MEGF10: variants seen among roughly 807,000 people sequenced by gnomAD.
MEGF10 encodes multiple EGF like domains 10.
MEGF10 carries 86 observed loss-of-function variants against 147.5 expected under a neutral mutation model. The observed-to-expected ratio is 0.58, with a 90% CI of 0.49 to 0.70. The LOEUF (loss-of-function observed/expected upper bound fraction) is 0.70. Among genes scored for constraint, MEGF10 ranks in the 30% least tolerant of loss-of-function variants. The pLI is 0.00. For synonymous variants in MEGF10, 478 were observed against 525.5 expected, an observed-to-expected ratio of 0.91 and a Z score of 1.24; for missense variants, 1,329 against 1,487.3, an observed-to-expected ratio of 0.89 and a Z score of 1.75.
intron 1 of MEGF10, among the ~76,000 whole-genome samples, chr5:127,296,730 A>G (rs1435293760): frequency 6.6e-6 from 1 of 152,214 alleles, no homozygotes; most frequent in Non-Finnish European, 1.5e-5. Flanking sequence ...GAAAACTAAA[A>G]CACACAAATT....
At chr5:127,306,525 G>A (rs527469406) in intron 1 of MEGF10, among the ~76,000 whole-genome samples, 128 of 152,294 alleles carry the variant, frequency 8.4e-4, no homozygotes, top group African/African-American at 2.4e-3. Context: ...TACCATGCCC[G>A]TCTTCCATGG....
At chr5:127,273,194 A>G in the MEGF10 span, among the ~76,000 whole-genome samples, 1 of 152,204 alleles carries the variant, frequency 6.6e-6, no homozygotes, top group Non-Finnish European at 1.5e-5. Flanking sequence ...ATGGGCTCAC[A>G]AGGGGATCTC....
rs747538697 is a variant in MEGF10, at chr5:127,458,250, C to A, written c.*932C>A. 1.3e-5 allele frequency: 2 copies of A among 152,156 alleles called. No homozygotes were observed. The highest frequency in any genetic ancestry group is 2.9e-5 in the Non-Finnish European group (2 of 68,028). The allele number at this position is 152,156 out of a possible 1,614,324, so 9.4% of individuals were successfully genotyped here. A position where few individuals can be genotyped will look rare whatever the true frequency, so the allele number is the denominator to read the frequency against. ...CAAGATGACGCTTACGTTCTGTAAA[C>A]CATTAGTAATACATGCTGTAATATA... On this transcript the variant is annotated 3_prime_UTR_variant, in exon 25 of 25. Transcript: ENST00000503335.
intron 4 of MEGF10, among the ~76,000 whole-genome samples, chr5:127,364,536 C>T (rs1297765964): frequency 6.6e-6 from 1 of 152,116 alleles, no homozygotes; most frequent in Non-Finnish European, 1.5e-5. Flanking sequence ...TGCATCAGTA[C>T]ATATTAAACT....
At chr5:127,303,442 G>A (rs147780645) in intron 1 of MEGF10, among the ~76,000 whole-genome samples, 10 of 151,804 alleles carry the variant, frequency 6.6e-5, no homozygotes, top group African/African-American at 2.4e-4. Flanking sequence ...TCACCAGGCA[G>A]TAGATAGCAA....
intron 2 of MEGF10, among the ~76,000 whole-genome samples, chr5:127,334,009 T>C (rs550662295): frequency 5.0e-4 from 76 of 152,306 alleles, no homozygotes; most frequent in African/African-American, 1.8e-3. Flanking sequence ...ATCTTCTTAC[T>C]GATAAATTTT....
intron 18 of MEGF10, among the ~76,000 whole-genome samples, chr5:127,441,676 A>T (rs917941898): frequency 2.0e-5 from 3 of 152,192 alleles, no homozygotes; most frequent in Admixed American, 6.5e-5. Context: ...GGGCGGGAAA[A>T]GGTGAAGAAC....
At chr5:127,404,942 C>A (rs1764270051) in intron 8 of MEGF10, among the ~76,000 whole-genome samples, 1 of 152,090 alleles carries the variant, frequency 6.6e-6, no homozygotes, top group Admixed American at 6.5e-5. Context: ...TATCGAACTC[C>A]TGAGCTCAGG....
intron 4 of MEGF10, among the ~76,000 whole-genome samples, chr5:127,352,897 G>A (rs1762135514): frequency 6.6e-6 from 1 of 152,192 alleles, no homozygotes; most frequent in Non-Finnish European, 1.5e-5. Context: ...AGAGAGGTCA[G>A]TTCCCATGGA....
intron 1 of MEGF10, 106 bp from the exon 2 acceptor site, chr5:127,331,185 C>T: frequency 1.6e-6 from 1 of 629,184 alleles, no homozygotes; most frequent in Non-Finnish European, 2.8e-6. Context: ...TTGTTATGCA[C>T]ATTTCAGCCC....
chr5:127,331,379 C>T lies in MEGF10; in HGVS notation c.71C>T (p.Ser24Leu). 3 of 1,613,162 alleles carry T rather than the reference C, an allele frequency of 1.9e-6. No homozygotes were observed. Among genetic ancestry groups the T allele is most frequent in the Non-Finnish European group, 8.5e-7 (1 of 1,179,244 alleles). ...LLLCHWIGTA[S>L]PLNLEDPNVC... ...TTATGCCACTGGATTGGGACAGCAT[C>T]ACCTCTGAATCTTGAAGACCCTAAT... Residue 24 changes from serine to leucine, a missense_variant, in exon 2 of 25, where the codon TCA becomes TTA. By Grantham distance (145) the Ser-to-Leu change is moderately radical. This residue lies in a region of MEGF10 where 980 missense variants were observed against 1,085.9 expected (regional missense o/e 0.90). Coordinates refer to ENST00000503335, the MANE Select transcript of MEGF10 (RefSeq NM_001256545.2).
At chr5:127,304,262 G>A (rs1435667158) in intron 1 of MEGF10, among the ~76,000 whole-genome samples, 1 of 152,190 alleles carries the variant, frequency 6.6e-6, no homozygotes, top group East Asian at 1.9e-4. Context: ...TCTAGACCCT[G>A]AATCAAGAAG....
intron 22 of MEGF10, among the ~76,000 whole-genome samples, chr5:127,453,505 C>T (rs1017007394): frequency 3.3e-5 from 5 of 152,186 alleles, no homozygotes; most frequent in African/African-American, 1.2e-4. Flanking sequence ...TTTTCATATG[C>T]TCTGTTTCAC....
chr5:127,323,404 T>C (rs1458996695), intron 1 of MEGF10, among the ~76,000 whole-genome samples: 1 of 152,190 alleles, frequency 6.6e-6, no homozygotes, highest in Non-Finnish European at 1.5e-5. Context: ...TACCTCAAAG[T>C]ACAGGCATTG....
chr5:127,336,939 G>T (rs777911530), intron 2 of MEGF10, among the ~76,000 whole-genome samples: 1 of 152,070 alleles, frequency 6.6e-6, no homozygotes. Flanking sequence ...ACTAGAAATG[G>T]AACAGAGATA....
At chr5:127,267,383 C>CT in the MEGF10 span, among the ~76,000 whole-genome samples, 2 of 152,168 alleles carry the variant, frequency 1.3e-5, no homozygotes, top group East Asian at 1.9e-4. Flanking sequence ...GTAAAATTCT[C>CT]TTTTTTTATT....
At chr5:127,391,087 TGCGC>T (rs139002719) in intron 5 of MEGF10, among the ~76,000 whole-genome samples, 1,890 of 131,904 alleles carry the variant, frequency 0.014, 44 homozygotes, top group African/African-American at 0.038. Flanking sequence ...CATACACACA[TGCGC>T]GCGCGCGCGC....
Position 127,455,509 on chromosome 5 carries a change from AGT to A in MEGF10, c.3138_3139del (p.Cys1046TrpfsTer20). On this transcript the variant is annotated frameshift_variant, in exon 24 of 25. Transcript: ENST00000503335. LOFTEE classifies it high-confidence loss of function. ...CCTGTACTTATCCCGAAAAGCTCAG[AGT>A]GTGGTTATGTGGAGATGAAATCGCC... 6.2e-7 allele frequency: 1 copy of A among 1,614,130 alleles called. No individual in the cohort carries two copies. The highest frequency in any genetic ancestry group is 8.5e-7 in the Non-Finnish European group (1 of 1,180,022).
chr5:127,291,690 A>T (rs982646361), intron 1 of MEGF10, among the ~76,000 whole-genome samples: 1 of 152,300 alleles, frequency 6.6e-6, no homozygotes, highest in Non-Finnish European at 1.5e-5. Flanking sequence ...GTTACTTAAG[A>T]AAGATAAATC....
Sources: allele counts gnomAD v4.1 joint callset (sites outside exome capture counted in the v4.1 genomes callset), GRCh38; gene constraint gnomAD v4.1.1; regional missense constraint gnomAD v4.1.1; transcripts MANE v1.5; gene names NCBI Gene and HGNC (gene_info 2026-07-23, HGNC 2026-07-21).